Variants in CPEB1 observed in about 807,000 individuals in gnomAD.
The protein encoded by CPEB1 is cytoplasmic polyadenylation element-binding protein 1.
A neutral mutation model predicts 65.8 loss-of-function variants in CPEB1; 7 were observed. The ratio of observed to expected loss-of-function variants is 0.11; its 90% CI spans 0.06 to 0.20. The LOEUF (loss-of-function observed/expected upper bound fraction) is 0.20, where lower values mean the gene tolerates loss of function less well. Ranked by LOEUF, CPEB1 falls within the 10% of genes least tolerant of loss-of-function variation. The pLI, the probability that CPEB1 is intolerant of heterozygous loss-of-function variation, is 1.00. For synonymous variants in CPEB1, 262 were observed against 260.0 expected (o/e 1.01, Z -0.08); for missense variants, 551 against 712.2 (o/e 0.77, Z 2.58).
chr15:82,569,906 C>A (rs1449876247), intron 4 of CPEB1, among the ~76,000 whole-genome samples: 1 of 152,128 alleles, frequency 6.6e-6, no homozygotes, highest in Non-Finnish European at 1.5e-5. Context: ...CATAGGCCCC[C>A]AAGGTTGGCG....
chr15:82,628,619 G>A (rs903208779), intron 1 of CPEB1, 63 bp from the exon 2 acceptor site: 8 of 593,422 alleles, frequency 1.3e-5, no homozygotes, highest in Admixed American at 3.2e-5. Context: ...AAATGAAAAA[G>A]CAAAAAGTCA....
chr15:82,639,630 G>A (rs552204910), intron 1 of CPEB1, among the ~76,000 whole-genome samples: 3 of 152,152 alleles, frequency 2.0e-5, no homozygotes, highest in Non-Finnish European at 2.9e-5. Context: ...GTACAGAAAA[G>A]ATTTAAAGTA....
chr15:82,633,414 C>T (rs2046413561), intron 1 of CPEB1, among the ~76,000 whole-genome samples: 1 of 152,258 alleles, frequency 6.6e-6, no homozygotes, highest in African/African-American at 2.4e-5. Context: ...CTCTTGTCGC[C>T]CACGCTGGAG....
chr15:82,563,075 A>T (rs527770656), intron 4 of CPEB1, among the ~76,000 whole-genome samples: 2 of 152,344 alleles, frequency 1.3e-5, no homozygotes, highest in African/African-American at 4.8e-5. Flanking sequence ...AAGGATTATC[A>T]TAGTTTCAGG....
Position 82,549,611 on chromosome 15 carries a change from G to C in CPEB1, c.1329C>G (p.Ser443Arg), listed in dbSNP as rs1165931299. 1 of 1,614,050 alleles carries C rather than the reference G, an allele frequency of 6.2e-7. No homozygotes were observed. Among genetic ancestry groups the C allele is most frequent in the Non-Finnish European group, 8.5e-7 (1 of 1,180,040 alleles). The stretch of plus-strand genomic sequence containing the variant: ...TGCTGGGGTCAAGCCTCTGAGATGG[G>C]CTCCGGACAAAGTTACTGTCGGCTA... ...WVLADSNFVR[S>R]PSQRLDPSRT... The change falls in exon 10 of 13, where the codon AGC becomes AGG. Residue 443 changes from serine (S) to arginine (R), a missense_variant. Transcript: ENST00000684509.
At chr15:82,636,374 G>T (rs556748442) in intron 1 of CPEB1, among the ~76,000 whole-genome samples, 1 of 152,116 alleles carries the variant, frequency 6.6e-6, no homozygotes, top group African/African-American at 2.4e-5. Flanking sequence ...ATCTTTGTAG[G>T]ATCTGACCCT....
chr15:82,611,647 C>T (rs1359856954), intron 3 of CPEB1, among the ~76,000 whole-genome samples: 1 of 151,864 alleles, frequency 6.6e-6, no homozygotes, highest in Non-Finnish European at 1.5e-5. Flanking sequence ...CACCTGCAGT[C>T]CCTGATACTC....
chr15:82,591,057 G>C (rs2042213363), intron 3 of CPEB1, among the ~76,000 whole-genome samples: 1 of 152,124 alleles, frequency 6.6e-6, no homozygotes, highest in Non-Finnish European at 1.5e-5. Flanking sequence ...GGGTTGAATG[G>C]AAGTTGTGTT....
intron 5 of CPEB1, 103 bp downstream of exon 5, chr15:82,557,657 C>T: frequency 1.1e-6 from 1 of 927,412 alleles, no homozygotes. Context: ...TCCCAGCCTG[C>T]ATTCCAGGGG....
intron 3 of CPEB1, among the ~76,000 whole-genome samples, chr15:82,583,190 G>A (rs566578890): frequency 1.3e-5 from 2 of 152,208 alleles, no homozygotes; most frequent in East Asian, 1.9e-4. Flanking sequence ...CAAAAAAGAC[G>A]ACTGCTGATT....
At chr15:82,548,720 T>G in intron 10 of CPEB1, 1 of 455,748 alleles carries the variant, frequency 2.2e-6, no homozygotes, top group Non-Finnish European at 4.4e-6. Flanking sequence ...AAGTTCCTCC[T>G]CCGCTCCTGG....
intron 3 of CPEB1, among the ~76,000 whole-genome samples, chr15:82,575,326 C>G (rs890814993): frequency 1.3e-5 from 2 of 152,058 alleles, no homozygotes; most frequent in Non-Finnish European, 2.9e-5. Flanking sequence ...ATATCAGAGA[C>G]GTAAAAGTGA....
chr15:82,583,075 T>G (rs184983989), intron 3 of CPEB1, among the ~76,000 whole-genome samples: 12 of 152,260 alleles, frequency 7.9e-5, no homozygotes, highest in Non-Finnish European at 1.8e-4. Context: ...ATCTGCTACT[T>G]ATTCAGCAGA....
intron 1 of CPEB1, among the ~76,000 whole-genome samples, chr15:82,630,880 T>C (rs772077426): frequency 6.6e-6 from 1 of 152,176 alleles, no homozygotes; most frequent in African/African-American, 2.4e-5. Context: ...TGTCTTTCAA[T>C]ACACAAAATT....
chr15:82,648,294 A>C, upstream of CPEB1: 4 of 163,558 alleles, frequency 2.4e-5, no homozygotes, highest in East Asian at 1.7e-4. Flanking sequence ...CACGATTTAC[A>C]AGCCCCTGCG....
chr15:82,622,164 G>A (rs2045359884), intron 3 of CPEB1, among the ~76,000 whole-genome samples: 1 of 152,102 alleles, frequency 6.6e-6, no homozygotes, highest in South Asian at 2.1e-4. Flanking sequence ...TGTGGAGAGG[G>A]CCCTCTAGGT....
chr15:82,610,914 C>A lies in CPEB1; in HGVS notation c.271+16279G>T, dbSNP rs201020090. 2.7e-4 allele frequency among the ~76,000 whole-genome samples: 34 copies of A among 127,030 alleles called. No homozygotes were observed. In the East Asian group the frequency reaches 7.3e-3, roughly 27 times the overall value. 83.3% of individuals were successfully genotyped at this position (127,030 alleles called of 152,430 possible). On this transcript the variant is annotated intron_variant, in intron 3 of 12. Coordinates refer to ENST00000684509, the MANE Select transcript of CPEB1 (RefSeq NM_001365242.1). Reference sequence around the variant, plus strand: ...CAGAGGTTGTAGTGAGCCAAGATCACGCCACTGCACTTCAGCCTTGGGGAC... The same window carrying A: ...CAGAGGTTGTAGTGAGCCAAGATCAAGCCACTGCACTTCAGCCTTGGGGAC...
At chr15:82,573,090 C>G (rs1035504392) in intron 3 of CPEB1, 1 of 1,535,586 alleles carries the variant, frequency 6.5e-7, no homozygotes, top group Non-Finnish European at 8.7e-7. Context: ...GGGAAGCATG[C>G]CCACCTGGGA....
intron 3 of CPEB1, among the ~76,000 whole-genome samples, chr15:82,573,553 C>T (rs767506625): frequency 1.3e-5 from 2 of 152,108 alleles, no homozygotes; most frequent in Non-Finnish European, 2.9e-5. Context: ...TCTATATAAT[C>T]CCCATACCCC....
Sources: gnomAD v4.1 joint callset for allele counts (sites outside exome capture counted in the v4.1 genomes callset) on GRCh38, gnomAD v4.1.1 for gene constraint, MANE v1.5 for transcripts, NCBI Gene and HGNC (gene_info 2026-07-23, HGNC 2026-07-21) for gene names.